The following KIZ variants were observed in gnomAD, a reference collection of about 807,000 sequenced individuals.
KIZ encodes the protein centrosomal protein kizuna.
KIZ carries 68 observed loss-of-function variants against 79.6 expected under a neutral mutation model. The observed-to-expected ratio is 0.85, with a 90% confidence interval of 0.70 to 1.05. The LOEUF (loss-of-function observed/expected upper bound fraction) is 1.05, where lower values mean the gene tolerates loss of function less well. KIZ is among the 50% of genes least tolerant of loss of function. The pLI is 0.00. For missense variants in KIZ, 797 were observed against 800.4 expected, an observed-to-expected ratio of 1.00 and a Z score of 0.05; for synonymous variants, 280 against 281.8, an observed-to-expected ratio of 0.99 and a Z score of 0.06.
intron 4 of KIZ, among the ~76,000 whole-genome samples, chr20:21,153,384 A>C (rs907085876): frequency 6.6e-6 from 1 of 152,162 alleles, no homozygotes; most frequent in African/African-American, 2.4e-5. Flanking sequence ...CAATTCGTAA[A>C]GATTGATTTT....
intron 6 of KIZ, among the ~76,000 whole-genome samples, chr20:21,168,031 A>C (rs1031787376): frequency 1.3e-5 from 2 of 152,068 alleles, no homozygotes; most frequent in African/African-American, 4.8e-5. Flanking sequence ...GTAACTCGTC[A>C]TTTAACATTA....
intron 11 of KIZ, among the ~76,000 whole-genome samples, chr20:21,236,481 A>G (rs1262815409): frequency 6.6e-6 from 1 of 152,238 alleles, no homozygotes; most frequent in Non-Finnish European, 1.5e-5. Flanking sequence ...ACTATGTCTT[A>G]TAATAAATTA....
At chr20:21,199,380 T>C (rs1489922563) in intron 6 of KIZ, among the ~76,000 whole-genome samples, 7 of 152,242 alleles carry the variant, frequency 4.6e-5, no homozygotes, top group Admixed American at 4.6e-4. Flanking sequence ...TTTACCACAG[T>C]CATTTTTTAG....
chr20:21,236,688 C>A (rs772541430), intron 11 of KIZ, among the ~76,000 whole-genome samples: 1 of 151,570 alleles, frequency 6.6e-6, no homozygotes, highest in Non-Finnish European at 1.5e-5. Flanking sequence ...GCTATTTTTT[C>A]TTTTTTTAAA....
At chr20:21,240,156 G>A (rs2037165655) in intron 11 of KIZ, among the ~76,000 whole-genome samples, 6 of 151,780 alleles carry the variant, frequency 4.0e-5, no homozygotes, top group South Asian at 4.2e-4. Flanking sequence ...ACGGTGTCTC[G>A]CTCTGTCACC....
intron 7 of KIZ, among the ~76,000 whole-genome samples, chr20:21,213,278 C>T (rs1568982973): frequency 1.3e-5 from 2 of 152,200 alleles, no homozygotes; most frequent in Non-Finnish European, 2.9e-5. Flanking sequence ...GCCTTCCGTC[C>T]GGGCCTTCCG....
chr20:21,231,740 A>AGAACACTGT (rs1225274321), intron 10 of KIZ, among the ~76,000 whole-genome samples: 1 of 152,176 alleles, frequency 6.6e-6, no homozygotes, highest in Non-Finnish European at 1.5e-5. Flanking sequence ...CAGTGTTGTT[A>AGAACACTGT]GAAGTAGCAG....
chr20:21,132,045 C>T, intron 1 of KIZ, 52 bp from the exon 2 acceptor site: 2 of 790,250 alleles, frequency 2.5e-6, no homozygotes, highest in Admixed American at 2.4e-5. Flanking sequence ...GGTCTAAATC[C>T]AACTCCCTGT....
chr20:21,158,193 A>G (rs1464218553), intron 4 of KIZ, among the ~76,000 whole-genome samples: 1 of 152,228 alleles, frequency 6.6e-6, no homozygotes, highest in Non-Finnish European at 1.5e-5. Flanking sequence ...TTTTATTACA[A>G]AAGGAATAGA....
chr20:21,143,407 A>G (rs1044674989), intron 3 of KIZ, among the ~76,000 whole-genome samples: 3 of 152,236 alleles, frequency 2.0e-5, no homozygotes, highest in African/African-American at 7.2e-5. Context: ...AATTGACGGA[A>G]GTGAGAATGC....
At position 21,136,571 on chromosome 20, in the gene KIZ, C is replaced by A; in HGVS notation, c.315+19C>A. 6.7e-7 allele frequency: 1 copy of A among 1,494,624 alleles called. No individual in the cohort carries two copies. The highest frequency in any genetic ancestry group is 9.0e-7 in the Non-Finnish European group (1 of 1,114,366). The allele number at this position is 1,494,624 out of a possible 1,614,324, so 92.6% of individuals were successfully genotyped here. A position where few individuals can be genotyped will look rare whatever the true frequency, so the allele number is the denominator to read the frequency against. On this transcript the variant is annotated intron_variant, in intron 3 of 12. Coordinates refer to ENST00000619189, the MANE Select transcript of KIZ (RefSeq NM_018474.6). Reference sequence around the variant, plus strand: ...ACTGAAGGTGACTTCCTGTTTTTTACTGTGTTTTATTTTATTTGTTGTTGT... The same window carrying A: ...ACTGAAGGTGACTTCCTGTTTTTTAATGTGTTTTATTTTATTTGTTGTTGT...
chr20:21,201,067 CAGTT>C (rs781356264), intron 6 of KIZ, among the ~76,000 whole-genome samples: 218 of 151,914 alleles, frequency 1.4e-3, no homozygotes, highest in African/African-American at 3.1e-3. Context: ...CCTATAGTGT[CAGTT>C]AGGAGGCTGA....
chr20:21,197,613 T>A (rs1334173679), intron 6 of KIZ: 1 of 152,232 alleles, frequency 6.6e-6, no homozygotes, highest in Non-Finnish European at 1.5e-5. Context: ...AACAAAGGGT[T>A]AAAAGTTACT....
intron 6 of KIZ, among the ~76,000 whole-genome samples, chr20:21,187,076 T>C (rs2034903716): frequency 6.6e-6 from 1 of 152,104 alleles, no homozygotes; most frequent in Non-Finnish European, 1.5e-5. Context: ...GCATTTCAGA[T>C]TTGGGATACT....
intron 4 of KIZ, among the ~76,000 whole-genome samples, chr20:21,158,032 G>T (rs777722669): frequency 1.6e-4 from 25 of 152,130 alleles, no homozygotes; most frequent in Non-Finnish European, 3.7e-4. Flanking sequence ...CTCCATAGTA[G>T]CCCATCCCTT....
intron 7 of KIZ, among the ~76,000 whole-genome samples, chr20:21,210,924 AT>A (rs2036041548): frequency 6.6e-6 from 1 of 151,598 alleles, no homozygotes. Flanking sequence ...TTCTTTGCTC[AT>A]TTTTGTATTA....
chr20:21,209,900 G>A (rs2035996523), intron 7 of KIZ, among the ~76,000 whole-genome samples: 1 of 94,194 alleles, frequency 1.1e-5, no homozygotes, highest in South Asian at 2.8e-4. Context: ...AGCAGAAATT[G>A]GATTTCTTTA....
intron 6 of KIZ, among the ~76,000 whole-genome samples, chr20:21,175,519 C>T (rs2034396004): frequency 6.6e-6 from 1 of 152,098 alleles, no homozygotes; most frequent in African/African-American, 2.4e-5. Flanking sequence ...TGACATGGAG[C>T]AAAGGCAGGA....
At chr20:21,164,433 A>G (rs950619097) in intron 6 of KIZ, among the ~76,000 whole-genome samples, 1 of 152,204 alleles carries the variant, frequency 6.6e-6, no homozygotes, top group Non-Finnish European at 1.5e-5. Flanking sequence ...TTTTCTAGTA[A>G]TAATACTTCT....
Sources: gnomAD v4.1 joint callset for allele counts (sites outside exome capture counted in the v4.1 genomes callset) on GRCh38, gnomAD v4.1.1 for gene constraint, MANE v1.5 for transcripts, NCBI Gene and HGNC (gene_info 2026-07-23, HGNC 2026-07-21) for gene names.